Variants in PIWIL1 observed in about 807,000 individuals in gnomAD.
PIWIL1 encodes piwi like RNA-mediated gene silencing 1.
PIWIL1 carries 73 observed loss-of-function variants against 114.4 expected under a neutral mutation model. The ratio of observed to expected loss-of-function variants is 0.64; its 90% CI spans 0.53 to 0.78. PIWIL1 has a LOEUF of 0.78. PIWIL1 is among the 30% of genes least tolerant of loss of function. The pLI is 0.00. For synonymous variants in PIWIL1, 375 were observed against 369.0 expected, an observed-to-expected ratio of 1.02 and a Z score of -0.19; for missense variants, 723 against 1,063.1, an observed-to-expected ratio of 0.68 and a Z score of 4.45.
chr12:130,410,149 T>A, the PIWIL1 span, among the ~76,000 whole-genome samples: 7 of 152,246 alleles, frequency 4.6e-5, no homozygotes, highest in African/African-American at 9.6e-5. Context: ...ATGTTAAAGA[T>A]CTTTTCATGT....
At chr12:130,401,003 CAA>C in the PIWIL1 span, among the ~76,000 whole-genome samples, 22 of 152,306 alleles carry the variant, frequency 1.4e-4, no homozygotes, top group African/African-American at 4.1e-4. Context: ...CTGTTGAAAA[CAA>C]GATGGCAGTT....
chr12:130,422,489 G>A, the PIWIL1 span: 1 of 1,613,208 alleles, frequency 6.2e-7, no homozygotes, highest in Non-Finnish European at 8.5e-7. The surrounding 1 kb of genome is among the most constrained non-coding windows in gnomAD (Gnocchi z 5.2). Flanking sequence ...GACCTCTGAG[G>A]ACCAGCGCTG....
chr12:130,421,730 T>A, the PIWIL1 span, among the ~76,000 whole-genome samples: 1 of 151,956 alleles, frequency 6.6e-6, no homozygotes, highest in South Asian at 2.1e-4. Flanking sequence ...TGTGTTTTCA[T>A]AGAAGCCTGG....
At chr12:130,355,421 G>A in intron 11 of PIWIL1, 132 bp from the exon 12 acceptor site, 1 of 711,104 alleles carries the variant, frequency 1.4e-6, no homozygotes, top group Non-Finnish European at 2.5e-6. Context: ...TGTGCCAGCT[G>A]GCATTCTCAC....
At chr12:130,383,054 A>G in the PIWIL1 span, among the ~76,000 whole-genome samples, 2 of 152,256 alleles carry the variant, frequency 1.3e-5, no homozygotes, top group African/African-American at 2.4e-5. Context: ...AAGCTTTATC[A>G]GTTCCAGACT....
At chr12:130,406,147 A>G in the PIWIL1 span, 3 of 1,305,368 alleles carry the variant, frequency 2.3e-6, no homozygotes. Flanking sequence ...ATCAAATGGT[A>G]CTTCTTGATA....
chr12:130,422,378 G>C, the PIWIL1 span: 1 of 1,013,884 alleles, frequency 9.9e-7, no homozygotes, highest in Non-Finnish European at 1.5e-6. The surrounding 1 kb of genome is among the most constrained non-coding windows in gnomAD (Gnocchi z 5.2). Flanking sequence ...CTAAAGTTTT[G>C]TTCATGCTTA....
chr12:130,376,861 G>T (rs1161540433), downstream of PIWIL1, among the ~76,000 whole-genome samples: 1 of 152,168 alleles, frequency 6.6e-6, no homozygotes, highest in East Asian at 1.9e-4. Context: ...ACACAGAGTC[G>T]TTGCCAGGTT....
At chr12:130,343,379 T>C (rs1386193931) in intron 3 of PIWIL1, among the ~76,000 whole-genome samples, 1 of 152,212 alleles carries the variant, frequency 6.6e-6, no homozygotes, top group African/African-American at 2.4e-5. Flanking sequence ...AACAAGGTAG[T>C]GTCTACCTGT....
the PIWIL1 span, among the ~76,000 whole-genome samples, chr12:130,401,185 G>A: frequency 3.3e-5 from 5 of 151,944 alleles, no homozygotes; most frequent in African/African-American, 7.2e-5. Flanking sequence ...GCGTGATCTC[G>A]GCTCACTGCC....
chr12:130,415,937 A>T, the PIWIL1 span, among the ~76,000 whole-genome samples: 1 of 151,202 alleles, frequency 6.6e-6, no homozygotes, highest in Non-Finnish European at 1.5e-5. Context: ...CCAAATCATG[A>T]ATGCAATCCC....
chr12:130,362,897 T>C, intron 17 of PIWIL1, 61 bp downstream of exon 17: 2 of 1,609,816 alleles, frequency 1.2e-6, no homozygotes, highest in Non-Finnish European at 1.7e-6. Context: ...GAAATTACCC[T>C]GAACTGTGTT....
At chr12:130,420,541 G>C in the PIWIL1 span, among the ~76,000 whole-genome samples, 2 of 152,052 alleles carry the variant, frequency 1.3e-5, no homozygotes, top group Non-Finnish European at 2.9e-5. The surrounding 1 kb of genome is among the most constrained non-coding windows in gnomAD (Gnocchi z 4.3). Flanking sequence ...ATTTGGGAAG[G>C]GTTTTTATGA....
chr12:130,376,154 G>A (rs907523634), downstream of PIWIL1, among the ~76,000 whole-genome samples: 6 of 152,306 alleles, frequency 3.9e-5, no homozygotes, highest in African/African-American at 9.6e-5. Flanking sequence ...TCTCCTAGAC[G>A]TCTCCCTTAG....
In PIWIL1 at chr12:130,338,133, G is replaced by A; in HGVS notation, c.-26G>A. 1 of 304,406 alleles carries A rather than the reference G, an allele frequency of 3.3e-6. No individual in the cohort carries two copies. Among genetic ancestry groups the A allele is most frequent in the South Asian group, 2.5e-5 (1 of 39,376 alleles). The allele number at this position is 304,406 out of a possible 1,614,324, so 18.9% of individuals were successfully genotyped here. ...GTGCAAGGACCAGGACTAGGGCGAG[G>A]GCAGCGGTCCAAGGTGCGGGGCCAG... On this transcript the variant is annotated 5_prime_UTR_variant, in exon 1 of 21. Coordinates refer to ENST00000245255, the MANE Select transcript of PIWIL1 (RefSeq NM_004764.5).
Position 130,361,259 on chromosome 12 carries a change from C to T in PIWIL1, c.1745C>T (p.Pro582Leu). The T allele has an allele frequency of 6.2e-7, 1 of 1,614,138 alleles. No individual in the cohort carries two copies. The highest frequency in any genetic ancestry group is 8.5e-7 in the Non-Finnish European group (1 of 1,180,010). The change falls in exon 15 of 21, where the codon CCA becomes CTA. Residue 582 changes from proline (P) to leucine (L), a missense_variant. This residue lies in a region of PIWIL1 where 298 missense variants were observed against 420.8 expected (regional missense o/e 0.71). Transcript: ENST00000245255. ...TACCTGTGTACAGATTGCCCTACCC[C>T]AAGTCAGTGTGTGGTGGCCCGAACC... The part of the protein sequence containing the change: ...KKYLCTDCPT[P>L]SQCVVARTLG...
chr12:130,361,712 T>C, intron 16 of PIWIL1, 111 bp downstream of exon 16: 3 of 788,308 alleles, frequency 3.8e-6, no homozygotes, highest in South Asian at 1.6e-5. Flanking sequence ...CTCAATCATA[T>C]ACAGCAACGA....
the PIWIL1 span, among the ~76,000 whole-genome samples, chr12:130,377,908 G>C: frequency 6.6e-6 from 1 of 152,198 alleles, no homozygotes; most frequent in Non-Finnish European, 1.5e-5. Context: ...TGGAGAGCGG[G>C]AGTAGTACAT....
chr12:130,406,645 G>C, the PIWIL1 span, among the ~76,000 whole-genome samples: 5 of 152,140 alleles, frequency 3.3e-5, no homozygotes, highest in Non-Finnish European at 7.3e-5. Flanking sequence ...AATTATTAAT[G>C]AAACATCTAT....
Sources: gnomAD v4.1 joint callset for allele counts (sites outside exome capture counted in the v4.1 genomes callset) on GRCh38, gnomAD v4.1.1 for gene constraint, gnomAD v4.1.1 regional missense constraint, Gnocchi (gnomAD v3.1) non-coding constraint, MANE v1.5 for transcripts, NCBI Gene and HGNC (gene_info 2026-07-23, HGNC 2026-07-21) for gene names.